GAS7: variants seen among roughly 807,000 people sequenced by gnomAD.
GAS7 encodes growth arrest-specific protein 7.
A neutral mutation model predicts 71.1 loss-of-function variants in GAS7; 28 were observed. That is an observed-to-expected ratio of 0.39 (90% confidence interval 0.29 to 0.54). The LOEUF is 0.54. GAS7 is among the 20% of genes least tolerant of loss of function. The pLI, the probability that GAS7 is intolerant of heterozygous loss-of-function variation, is 0.62. For synonymous variants in GAS7, 258 were observed against 245.8 expected (o/e 1.05, Z -0.46); for missense variants, 436 against 627.8 (o/e 0.69, Z 3.27).
chr17:10,149,473 T>G (rs1484898778), intron 1 of GAS7, among the ~76,000 whole-genome samples: 1 of 152,168 alleles, frequency 6.6e-6, no homozygotes, highest in East Asian at 1.9e-4. Context: ...AAAAACCAAC[T>G]TATATTTTTG....
chr17:9,983,777 A>T (rs2070531185), intron 2 of GAS7, among the ~76,000 whole-genome samples: 1 of 152,116 alleles, frequency 6.6e-6, no homozygotes, highest in Non-Finnish European at 1.5e-5. Flanking sequence ...ACAGAGTGAG[A>T]CTCCATCTCA....
At chr17:10,100,660 C>T (rs1307575309) in intron 1 of GAS7, among the ~76,000 whole-genome samples, 2 of 152,200 alleles carry the variant, frequency 1.3e-5, no homozygotes, top group Non-Finnish European at 2.9e-5. Context: ...CCCCCCCATC[C>T]AGGCTCCATC....
At chr17:10,088,469 C>T (rs2073546189) in intron 1 of GAS7, among the ~76,000 whole-genome samples, 1 of 152,090 alleles carries the variant, frequency 6.6e-6, no homozygotes, top group African/African-American at 2.4e-5. Flanking sequence ...AAAGGGGACT[C>T]GAGCATCCCA....
intron 1 of GAS7, among the ~76,000 whole-genome samples, chr17:10,120,788 C>T (rs916494593): frequency 1.3e-5 from 2 of 152,194 alleles, no homozygotes; most frequent in Admixed American, 1.3e-4. Context: ...CTGCACCCTC[C>T]AACAGCTTCC....
At chr17:10,092,981 C>T (rs1597787206) in intron 1 of GAS7, among the ~76,000 whole-genome samples, 1 of 152,162 alleles carries the variant, frequency 6.6e-6, no homozygotes, top group Admixed American at 6.5e-5. Context: ...CTGCAAAATC[C>T]GTCTTGCCAT....
intron 1 of GAS7, among the ~76,000 whole-genome samples, chr17:10,101,965 T>G (rs1393520848): frequency 6.6e-6 from 1 of 152,112 alleles, no homozygotes; most frequent in East Asian, 1.9e-4. Context: ...CAGCAGAGAC[T>G]GGCAGAACCA....
chr17:10,005,627 A>G (rs940967309), intron 2 of GAS7, among the ~76,000 whole-genome samples: 4 of 152,110 alleles, frequency 2.6e-5, no homozygotes, highest in African/African-American at 9.7e-5. Context: ...GATGTTTACG[A>G]AAAAAACTCC....
At chr17:9,921,355 C>G (rs1348296785) in intron 11 of GAS7, among the ~76,000 whole-genome samples, 1 of 151,932 alleles carries the variant, frequency 6.6e-6, no homozygotes, top group Non-Finnish European at 1.5e-5. Flanking sequence ...TGGGGTTTCA[C>G]CATATCGGCC....
Position 9,981,198 on chromosome 17 carries a change from A to G in GAS7, c.385+606T>C, listed in dbSNP as rs927650861. Among the ~76,000 whole-genome samples, 7 of 148,194 alleles carry G rather than the reference A, an allele frequency of 4.7e-5. No homozygotes were observed. The highest frequency in any genetic ancestry group is 1.2e-4 in the African/African-American group (5 of 40,708). ...TCGCAGCTACTCGGGAGGCTGGGGA[A>G]CAAGAATCCATTGAACCCAGAAGGG... On this transcript the variant is annotated intron_variant, in intron 3 of 13. Coordinates refer to ENST00000432992, the MANE Select transcript of GAS7 (RefSeq NM_201433.2). The surrounding 1 kb of genome is among the most constrained non-coding windows in gnomAD (Gnocchi z 4.4).
chr17:10,155,786 T>C (rs1030209723), intron 1 of GAS7, among the ~76,000 whole-genome samples: 4 of 152,240 alleles, frequency 2.6e-5, no homozygotes, highest in East Asian at 1.9e-4. Flanking sequence ...TTTACTCATT[T>C]GATCCTTAAA....
chr17:10,067,765 GC>G (rs2073297526), intron 1 of GAS7, among the ~76,000 whole-genome samples: 1 of 152,146 alleles, frequency 6.6e-6, no homozygotes, highest in African/African-American at 2.4e-5. Flanking sequence ...CATTAACCCT[GC>G]CCAGCCCTGG....
At chr17:10,068,120 A>T (rs915772519) in intron 1 of GAS7, among the ~76,000 whole-genome samples, 1 of 152,168 alleles carries the variant, frequency 6.6e-6, no homozygotes, top group African/African-American at 2.4e-5. Context: ...ACTTCCTCCC[A>T]AACCTTTTAA....
At chr17:9,962,267 C>CACACACACGT (rs1555605517) in intron 4 of GAS7, among the ~76,000 whole-genome samples, 12 of 142,634 alleles carry the variant, frequency 8.4e-5, no homozygotes, top group African/African-American at 3.3e-4. Context: ...CACACACACA[C>CACACACACGT]GTGACACACA....
intron 1 of GAS7, among the ~76,000 whole-genome samples, chr17:10,098,588 T>C (rs1193524036): frequency 6.6e-6 from 1 of 152,180 alleles, no homozygotes; most frequent in Non-Finnish European, 1.5e-5. Flanking sequence ...ACAATAGGTA[T>C]GACAGGAGCT....
At chr17:9,922,755 G>C (rs1357478260) in intron 11 of GAS7, among the ~76,000 whole-genome samples, 1 of 152,146 alleles carries the variant, frequency 6.6e-6, no homozygotes, top group African/African-American at 2.4e-5. Context: ...TTCTTGGTTC[G>C]AAGATCAAAT....
chr17:10,099,669 T>C (rs1040163846), intron 1 of GAS7, among the ~76,000 whole-genome samples: 3 of 152,186 alleles, frequency 2.0e-5, no homozygotes, highest in Admixed American at 6.5e-5. Context: ...TGTGTACATA[T>C]ACAACTCTTC....
At position 10,016,384 on chromosome 17, in the gene GAS7, C is replaced by CAAAAAAA. The variant is rs1217937101; in HGVS notation, c.304+3386_304+3392dup. Among the ~76,000 whole-genome samples, 35 of 71,382 alleles carry CAAAAAAA rather than the reference C, an allele frequency of 4.9e-4. 1 individual carries two copies. Among genetic ancestry groups the CAAAAAAA allele is most frequent in the African/African-American group, 1.2e-3 (22 of 18,620 alleles). 46.8% of individuals were successfully genotyped at this position (71,382 alleles called of 152,430 possible). Reference sequence around the variant, plus strand: ...TGGGTGAAAGAGCGAGACTCCGTCTCAAAAAAAAAAAAAAAAAAAGAGTTA... The same window carrying CAAAAAAA: ...TGGGTGAAAGAGCGAGACTCCGTCTCAAAAAAAAAAAAAAAAAAAAAAAAAAGAGTTA... On this transcript the variant is annotated intron_variant, in intron 2 of 13. Transcript: ENST00000432992.
At chr17:9,972,031 T>C (rs2069990161) in intron 3 of GAS7, among the ~76,000 whole-genome samples, 1 of 152,200 alleles carries the variant, frequency 6.6e-6, no homozygotes, top group African/African-American at 2.4e-5. Flanking sequence ...CTCCCCCAGC[T>C]ACAGGGTTTA....
intron 1 of GAS7, among the ~76,000 whole-genome samples, chr17:10,056,600 A>G (rs1035832933): frequency 1.3e-5 from 2 of 151,970 alleles, no homozygotes; most frequent in African/African-American, 2.4e-5. Context: ...GGCCGGGCGC[A>G]GTGGCTCACG....
Sources: gnomAD v4.1 joint callset for allele counts (sites outside exome capture counted in the v4.1 genomes callset) on GRCh38, gnomAD v4.1.1 for gene constraint, Gnocchi (gnomAD v3.1) non-coding constraint, MANE v1.5 for transcripts, NCBI Gene and HGNC (gene_info 2026-07-23, HGNC 2026-07-21) for gene names.